NEBL: variants seen among roughly 807,000 people sequenced by gnomAD.
NEBL encodes the protein nebulette, also known as LIM and SH3 protein 2.
In NEBL, 122 loss-of-function variants were observed where a neutral mutation model predicts 140.2. That is an observed-to-expected ratio of 0.87 (90% CI 0.75 to 1.01). The LOEUF (loss-of-function observed/expected upper bound fraction) is 1.01. NEBL is among the 50% of genes least tolerant of loss of function. The probability of loss-of-function intolerance (pLI) is 0.00; values close to 1 mark genes in which losing one functional copy is unlikely to be tolerated. For synonymous variants in NEBL, 436 were observed against 398.9 expected (o/e 1.09, Z -1.11); for missense variants, 1,365 against 1,231.3 (o/e 1.11, Z -1.62).
intron 2 of NEBL, among the ~76,000 whole-genome samples, chr10:21,126,990 A>C (rs2132059540): frequency 6.6e-6 from 1 of 151,350 alleles, no homozygotes; most frequent in African/African-American, 2.4e-5. Flanking sequence ...AAAAAAAAAA[A>C]AAAAAAACTC....
At chr10:21,141,287 G>C (rs1455459982) in intron 2 of NEBL, among the ~76,000 whole-genome samples, 1 of 152,128 alleles carries the variant, frequency 6.6e-6, no homozygotes, top group African/African-American at 2.4e-5. Flanking sequence ...AGTTTTGAAA[G>C]TTATATGGTA....
rs148465848 is a variant in NEBL, at chr10:21,070,431, C to T, written c.165-50230G>A. Among the ~76,000 whole-genome samples the T allele has an allele frequency of 4.2e-3, 637 of 152,194 alleles. 4 individuals carry two copies. Among genetic ancestry groups the T allele is most frequent in the Non-Finnish European group, 6.9e-3 (470 of 68,024 alleles). On this transcript the variant is annotated intron_variant, in intron 2 of 6. Coordinates refer to the NEBL transcript ENST00000417816. ...TATATACTACCTCAATAATATATCA[C>T]GTATGTATTTTTTCATTTGTTCCCC...
intron 1 of NEBL, among the ~76,000 whole-genome samples, chr10:21,265,257 C>T (rs995209102): frequency 6.6e-6 from 1 of 152,006 alleles, no homozygotes; most frequent in East Asian, 1.9e-4. Context: ...AAGGATGGAG[C>T]CCTCATGATC....
chr10:20,908,826 A>G (rs1848208189), intron 4 of NEBL, among the ~76,000 whole-genome samples: 2 of 152,116 alleles, frequency 1.3e-5, no homozygotes. Flanking sequence ...CTAATCTTCC[A>G]CATTTTTAAA....
chr10:20,958,984 C>T (rs184926695), intron 4 of NEBL, among the ~76,000 whole-genome samples: 64 of 152,258 alleles, frequency 4.2e-4, no homozygotes, highest in African/African-American at 9.1e-4. Context: ...AATTTCAAAA[C>T]ATTGACATAG....
At chr10:21,238,713 A>G (rs1468699823) in intron 3 of NEBL, among the ~76,000 whole-genome samples, 1 of 117,318 alleles carries the variant, frequency 8.5e-6, no homozygotes, top group Non-Finnish European at 1.7e-5. Flanking sequence ...ATCTCAAAAA[A>G]ATTAAAAAAA....
intron 4 of NEBL, among the ~76,000 whole-genome samples, chr10:20,914,011 T>A (rs146554106): frequency 5.4e-4 from 82 of 152,272 alleles, no homozygotes; most frequent in African/African-American, 1.8e-3. Context: ...AATTCACCAG[T>A]GCAAACTACA....
rs139632891 is a variant in NEBL at position 20,976,141 on chromosome 10, C to G, written c.250-14362G>C. Among the ~76,000 whole-genome samples the G allele has an allele frequency of 5.6e-3, 849 of 151,988 alleles. 12 individuals are homozygous for G. Among genetic ancestry groups the G allele is most frequent in the African/African-American group, 0.019 (803 of 41,440 alleles). ...CTTGAGGTCAGGAGTTCAAGACCAG[C>G]CTAGCCAACATGGTGAAACCCCATC... On this transcript the variant is annotated intron_variant, in intron 3 of 6. Transcript: ENST00000417816.
At chr10:20,986,818 C>G (rs1405511164) in intron 3 of NEBL, among the ~76,000 whole-genome samples, 1 of 152,098 alleles carries the variant, frequency 6.6e-6, no homozygotes, top group African/African-American at 2.4e-5. Context: ...AATAGAAAAA[C>G]ATACTCTCTC....
At chr10:21,194,867 A>T (rs1841625395) in intron 3 of NEBL, among the ~76,000 whole-genome samples, 1 of 151,552 alleles carries the variant, frequency 6.6e-6, no homozygotes, top group Admixed American at 6.6e-5. Flanking sequence ...ATGTAGTCAG[A>T]TGTAATCTGA....
intron 1 of NEBL, among the ~76,000 whole-genome samples, chr10:21,286,694 C>T (rs1390019048): frequency 3.3e-5 from 5 of 152,082 alleles, no homozygotes; most frequent in African/African-American, 9.7e-5. Flanking sequence ...ATTAGCCAGG[C>T]GTGGTGGTGG....
intron 3 of NEBL, among the ~76,000 whole-genome samples, chr10:21,205,057 T>C (rs2132230475): frequency 6.6e-6 from 1 of 152,360 alleles, no homozygotes; most frequent in Admixed American, 6.5e-5. Context: ...TGTTTGCAAC[T>C]AAGAATGCTC....
At chr10:20,955,844 G>A (rs1201448834) in intron 4 of NEBL, among the ~76,000 whole-genome samples, 1 of 151,464 alleles carries the variant, frequency 6.6e-6, no homozygotes, top group Non-Finnish European at 1.5e-5. Flanking sequence ...AAAGGAATAT[G>A]GGAAAAAAGG....
intron 4 of NEBL, among the ~76,000 whole-genome samples, chr10:20,939,893 C>A (rs889774477): frequency 2.2e-4 from 33 of 152,232 alleles, no homozygotes; most frequent in Admixed American, 3.3e-4. Context: ...AACTATCCTA[C>A]ATATATATGC....
chr10:20,889,884 C>T lies in NEBL; in HGVS notation c.219G>A (p.Met73Ile), dbSNP rs1846872573. The change falls in exon 3 of 28, where the codon ATG becomes ATA. Residue 73 changes from methionine to isoleucine, a missense_variant. Met to Ile is a conservative substitution (Grantham distance 10). Around this residue, in one of 2 missense-constraint regions of NEBL, gnomAD observed 1,323 missense variants for 1,154.8 expected, o/e 1.15. Coordinates refer to ENST00000377122, the MANE Select transcript of NEBL (RefSeq NM_006393.3). ...DKCTFVTDSPMLNHVKNIGAF... is the reference protein window; with the variant it reads ...DKCTFVTDSPILNHVKNIGAF... Reference sequence around the variant, plus strand: ...CACCGATATTTTTTACATGGTTTAGCATAGGACTGTCAGTCACAAATGTAC... The same window carrying T: ...CACCGATATTTTTTACATGGTTTAGTATAGGACTGTCAGTCACAAATGTAC... 1 of 1,612,998 alleles carries T rather than the reference C, an allele frequency of 6.2e-7. No individual in the cohort carries two copies.
At chr10:21,216,711 T>A (rs1269808088) in intron 3 of NEBL, among the ~76,000 whole-genome samples, 1 of 145,640 alleles carries the variant, frequency 6.9e-6, no homozygotes, top group Non-Finnish European at 1.5e-5. Context: ...ATGGAGGTTG[T>A]GGTGAGCCGA....
At chr10:20,869,142 T>C (rs1844650719) in intron 6 of NEBL, among the ~76,000 whole-genome samples, 1 of 152,218 alleles carries the variant, frequency 6.6e-6, no homozygotes, top group African/African-American at 2.4e-5. Flanking sequence ...CCATACTTGA[T>C]TGACATGCAG....
At chr10:20,805,737 C>T (rs1286326473) in intron 26 of NEBL, among the ~76,000 whole-genome samples, 1 of 151,990 alleles carries the variant, frequency 6.6e-6, no homozygotes, top group Non-Finnish European at 1.5e-5. Flanking sequence ...CCTGTAATCC[C>T]AGCTACTCAG....
intron 2 of NEBL, among the ~76,000 whole-genome samples, chr10:21,160,658 T>G (rs1840520793): frequency 7.0e-6 from 1 of 142,394 alleles, no homozygotes; most frequent in Non-Finnish European, 1.5e-5. Flanking sequence ...GGAGGGTGGG[T>G]TGGGGGAGAA....
Sources: allele counts gnomAD v4.1 joint callset (sites outside exome capture counted in the v4.1 genomes callset), GRCh38; gene constraint gnomAD v4.1.1; regional missense constraint gnomAD v4.1.1; transcripts MANE v1.5; gene names NCBI Gene and HGNC (gene_info 2026-07-23, HGNC 2026-07-21).